The following CLCA2 variants were observed in gnomAD, a reference collection of about 807,000 sequenced individuals.
The protein encoded by CLCA2 is calcium-activated chloride channel regulator 2.
A neutral mutation model predicts 82.9 loss-of-function variants in CLCA2; 85 were observed. That is an observed-to-expected ratio of 1.03 (90% CI 0.86 to 1.23). CLCA2 has a LOEUF of 1.23. Ranked by LOEUF, CLCA2 falls within the 50% of genes most tolerant of loss-of-function variation. CLCA2 has a pLI of 0.00. For synonymous variants in CLCA2, 421 were observed against 391.7 expected (o/e 1.07, Z -0.88); for missense variants, 1,089 against 1,124.8 (o/e 0.97, Z 0.45).
rs1662372752 is a variant in CLCA2 at position 86,425,585 on chromosome 1, T to A, written c.324+109T>A. ...GTTAAGTAAAAACAAATCATCAGTA[T>A]TAACAATGCAAATAATATTAATGGG... On this transcript the variant is annotated intron_variant, in intron 2 of 13. Coordinates refer to ENST00000370565, the MANE Select transcript of CLCA2 (RefSeq NM_006536.7). 18 of 875,094 alleles carry A rather than the reference T, an allele frequency of 2.1e-5. 1 individual carries two copies. The South Asian group carries it at 5.7e-4, about 27-fold the overall frequency. 54.2% of individuals were successfully genotyped at this position (875,094 alleles called of 1,614,324 possible).
In CLCA2 at chr1:86,453,345, C is replaced by CT. The variant is rs527665018; in HGVS notation, c.2156-15dup. ...GAAGCTTTGTAATTTGTCATTTTGC[C>CT]TTTTTTTTTCTTTTTTGTCTCAGGT... is the stretch of plus-strand genomic sequence containing the variant. On this transcript the variant is annotated intron_variant, in intron 12 of 13. Transcript: ENST00000370565. The CT allele has an allele frequency of 6.5e-4, 996 of 1,535,792 alleles. 1 individual carries two copies. Among genetic ancestry groups the CT allele is most frequent in the African/African-American group, 3.0e-3 (215 of 72,760 alleles).
At chr1:86,434,915 A>G (rs1203446502) in intron 6 of CLCA2, among the ~76,000 whole-genome samples, 170 bp downstream of exon 6, 1 of 152,056 alleles carries the variant, frequency 6.6e-6, no homozygotes, top group Non-Finnish European at 1.5e-5. Flanking sequence ...TCACCTAGGT[A>G]GTAAGCCCCG....
chr1:86,425,607 T>C lies in CLCA2; in HGVS notation c.324+131T>C, dbSNP rs80126918. Reference sequence around the variant, plus strand: ...GTATTAACAATGCAAATAATATTAATGGGCAGAATGTTATCAACAAAATAT... The same window carrying C: ...GTATTAACAATGCAAATAATATTAACGGGCAGAATGTTATCAACAAAATAT... On this transcript the variant is annotated intron_variant, in intron 2 of 13. Transcript: ENST00000370565. The C allele has an allele frequency of 1.1e-5, 7 of 624,786 alleles. No individual in the cohort carries two copies. In the East Asian group the frequency reaches 1.4e-4, roughly 13 times the overall value. The allele number at this position is 624,786 out of a possible 1,614,324, so 38.7% of individuals were successfully genotyped here.
At chr1:86,452,375 C>T (rs967791766) in intron 12 of CLCA2, among the ~76,000 whole-genome samples, 6 of 151,934 alleles carry the variant, frequency 3.9e-5, no homozygotes, top group African/African-American at 1.2e-4. Flanking sequence ...GCTAAGTGGC[C>T]GCCTTGTTGC....
rs1168124384 is a variant in CLCA2 at position 86,450,524 on chromosome 1, TA to T, written c.1985-37del. On this transcript the variant is annotated intron_variant, in intron 11 of 13. Transcript: ENST00000370565. ...TGACTTAAATATTAGTAATCTACTA[TA>T]ATAACAAGTGTTGACACTGTGTTTT... 7 of 1,499,432 alleles carry T rather than the reference TA, an allele frequency of 4.7e-6. No individual in the cohort carries two copies. The African/African-American group carries it at 9.7e-5, about 21-fold the overall frequency. 92.9% of individuals were successfully genotyped at this position (1,499,432 alleles called of 1,614,324 possible).
At chr1:86,437,125 G>A (rs975003164) in intron 6 of CLCA2, among the ~76,000 whole-genome samples, 2 of 152,200 alleles carry the variant, frequency 1.3e-5, no homozygotes, top group Non-Finnish European at 2.9e-5. Flanking sequence ...AGTATCATCT[G>A]AAATATGTAG....
Position 86,428,398 on chromosome 1 carries a change from AG to A in CLCA2, c.325-18del. Reference sequence around the variant, plus strand: ...ACAACAGAGCTGAGAAAGTATTACAAGGCATTTCTTTTAATTTAGGCAAATG... The same window carrying A: ...ACAACAGAGCTGAGAAAGTATTACAAGCATTTCTTTTAATTTAGGCAAATG... On this transcript the variant is annotated intron_variant, in intron 2 of 13. Coordinates refer to ENST00000370565, the MANE Select transcript of CLCA2 (RefSeq NM_006536.7). 3.8e-6 allele frequency: 6 copies of A among 1,578,208 alleles called. No individual in the cohort carries two copies. Among genetic ancestry groups the A allele is most frequent in the Non-Finnish European group, 5.2e-6 (6 of 1,161,970 alleles).
At chr1:86,442,965 G>A (rs1021007584) in intron 9 of CLCA2, among the ~76,000 whole-genome samples, 2 of 152,078 alleles carry the variant, frequency 1.3e-5, no homozygotes, top group South Asian at 2.1e-4. Flanking sequence ...CCAGGCATAC[G>A]TTTGTACTCT....
At chr1:86,433,382 C>A (rs1346905685) in intron 5 of CLCA2, among the ~76,000 whole-genome samples, 1 of 152,178 alleles carries the variant, frequency 6.6e-6, no homozygotes, top group African/African-American at 2.4e-5. Flanking sequence ...CTGACCAATG[C>A]CCCTTGGATT....
intron 10 of CLCA2, among the ~76,000 whole-genome samples, chr1:86,445,686 G>A (rs1055256371): frequency 4.0e-5 from 6 of 149,754 alleles, no homozygotes; most frequent in Non-Finnish European, 5.9e-5. Flanking sequence ...TTTGGACTTG[G>A]ATCGTCTTTG....
At chr1:86,441,071 C>T (rs1271054759) in intron 8 of CLCA2, among the ~76,000 whole-genome samples, 1 of 152,076 alleles carries the variant, frequency 6.6e-6, no homozygotes, top group East Asian at 1.9e-4. Flanking sequence ...ATTGAATTAT[C>T]TTTAAAAGCA....
chr1:86,443,151 C>T (rs932220899), intron 9 of CLCA2, among the ~76,000 whole-genome samples: 5 of 152,054 alleles, frequency 3.3e-5, no homozygotes, highest in Admixed American at 2.0e-4. Flanking sequence ...CTCAGTCTCC[C>T]GAGCACCTGG....
chr1:86,448,786 G>A (rs1188904830), intron 11 of CLCA2, among the ~76,000 whole-genome samples: 2 of 152,212 alleles, frequency 1.3e-5, no homozygotes, highest in Non-Finnish European at 2.9e-5. Context: ...AAGTCTTCTT[G>A]TTTTGCCTGT....
chr1:86,438,824 TTTGTC>T, intron 6 of CLCA2, 47 bp from the exon 7 acceptor site: 1 of 1,478,398 alleles, frequency 6.8e-7, no homozygotes, highest in Non-Finnish European at 9.4e-7. Flanking sequence ...TCATCATACT[TTTGTC>T]TACTAACCAA....
intron 13 of CLCA2, among the ~76,000 whole-genome samples, chr1:86,453,957 A>T (rs1468678038): frequency 6.6e-6 from 1 of 152,154 alleles, no homozygotes; most frequent in African/African-American, 2.4e-5. Flanking sequence ...CTATTCATAT[A>T]TTTATCAGTA....
chr1:86,450,790 T>C, intron 12 of CLCA2, 57 bp downstream of exon 12: 2 of 1,427,886 alleles, frequency 1.4e-6, no homozygotes, highest in South Asian at 3.2e-5. Flanking sequence ...ATATCTCTGA[T>C]GGGTATGTGT....
At position 86,441,559 on chromosome 1, in the gene CLCA2, A is replaced by C; in HGVS notation, c.1488+16A>C. On this transcript the variant is annotated intron_variant, in intron 9 of 13. Coordinates refer to ENST00000370565, the MANE Select transcript of CLCA2 (RefSeq NM_006536.7). ...ACATATTCAGGTCAGAATTTTCTCA[A>C]TGTTATATTTCCAGGTGGGGAGTGG... The C allele has an allele frequency of 6.5e-7, 1 of 1,542,928 alleles. No homozygotes were observed. The highest frequency in any genetic ancestry group is 8.9e-7 in the Non-Finnish European group (1 of 1,117,372).
intron 7 of CLCA2, among the ~76,000 whole-genome samples, 153 bp downstream of exon 7, chr1:86,439,259 A>G (rs1248757943): frequency 6.6e-6 from 1 of 152,234 alleles, no homozygotes; most frequent in African/African-American, 2.4e-5. Flanking sequence ...CAAGTCAGGA[A>G]CCATGCCTTA....
In CLCA2 at chr1:86,447,512, G is replaced by C; in HGVS notation, c.1718G>C (p.Gly573Ala). 6.2e-7 allele frequency: 1 copy of C among 1,612,938 alleles called. No homozygotes were observed. The highest frequency in any genetic ancestry group is 1.7e-5 in the Admixed American group (1 of 59,964). The change falls in exon 11 of 14, where the codon GGG becomes GCG. Residue 573 changes from glycine to alanine, a missense_variant. By Grantham distance (60) the Gly-to-Ala change is moderately conservative. Coordinates refer to ENST00000370565, the MANE Select transcript of CLCA2 (RefSeq NM_006536.7). ...SLWIPGTAKP[G>A]HWTYTLNNTH... is the part of the protein sequence containing the mutation. Reference sequence around the variant, plus strand: ...ACAATAAGACTTGTTTTACAGCCTGGGCACTGGACTTACACCCTGAACAAT... The same window carrying C: ...ACAATAAGACTTGTTTTACAGCCTGCGCACTGGACTTACACCCTGAACAAT...
Sources: gnomAD v4.1 joint callset for allele counts (sites outside exome capture counted in the v4.1 genomes callset) on GRCh38, gnomAD v4.1.1 for gene constraint, MANE v1.5 for transcripts, NCBI Gene and HGNC (gene_info 2026-07-23, HGNC 2026-07-21) for gene names.